The following CDK15 variants were observed in gnomAD, a reference collection of about 807,000 sequenced individuals.
CDK15 encodes the protein cyclin dependent kinase 15.
A neutral mutation model predicts 60.3 loss-of-function variants in CDK15; 62 were observed. The ratio of observed to expected loss-of-function variants is 1.03; its 90% CI spans 0.84 to 1.27. The LOEUF (loss-of-function observed/expected upper bound fraction) is 1.27. Ranked by LOEUF, CDK15 falls within the 50% of genes most tolerant of loss-of-function variation. The pLI, the probability that CDK15 is intolerant of heterozygous loss-of-function variation, is 0.00. For missense variants in CDK15, 541 were observed against 527.8 expected, an observed-to-expected ratio of 1.03 and a Z score of -0.25; for synonymous variants, 194 against 195.7, an observed-to-expected ratio of 0.99 and a Z score of 0.07.
intron 8 of CDK15, among the ~76,000 whole-genome samples, chr2:201,839,328 T>C (rs1034408193): frequency 6.6e-6 from 1 of 152,216 alleles, no homozygotes. Flanking sequence ...CCTGTACTTA[T>C]TGGAAGTGTC....
chr2:201,862,156 A>G (rs1698430340), intron 10 of CDK15, among the ~76,000 whole-genome samples: 1 of 152,120 alleles, frequency 6.6e-6, no homozygotes, highest in Non-Finnish European at 1.5e-5. Context: ...TCTGCTCCCC[A>G]CACCTAGACT....
At chr2:201,878,798 G>A (rs189585803) in intron 11 of CDK15, among the ~76,000 whole-genome samples, 1 of 152,338 alleles carries the variant, frequency 6.6e-6, no homozygotes, top group Non-Finnish European at 1.5e-5. Flanking sequence ...CCTTCTCACT[G>A]TGTCTGCACA....
intron 8 of CDK15, among the ~76,000 whole-genome samples, chr2:201,843,402 G>A (rs907258931): frequency 2.6e-5 from 4 of 152,008 alleles, no homozygotes; most frequent in African/African-American, 9.7e-5. Flanking sequence ...GGCCAGGCTG[G>A]TCTCGAACTG....
chr2:201,808,077 G>A, intron 3 of CDK15, 125 bp downstream of exon 3: 1 of 680,118 alleles, frequency 1.5e-6, no homozygotes, highest in South Asian at 2.6e-5. Flanking sequence ...AGACACCATG[G>A]CCGACAGGGA....
chr2:201,890,794 T>C lies in CDK15; in HGVS notation c.1208T>C (p.Leu403Ser), dbSNP rs1559154287. The C allele has an allele frequency of 1.2e-6, 2 of 1,611,570 alleles. No homozygotes were observed. The highest frequency in any genetic ancestry group is 1.7e-4 in the Middle Eastern group (1 of 5,888). ...CTTTTCATTCCTACAGAGGAGTCTTTGTTTACAGTTTCAGGAGTGAGGCTA... is the reference window on the plus strand; with the variant it reads ...CTTTTCATTCCTACAGAGGAGTCTTCGTTTACAGTTTCAGGAGTGAGGCTA... ...QLYQLPDEES[L>S]FTVSGVRLKP... Residue 403 changes from leucine (L) to serine (S), a missense_variant, in exon 13 of 14, where the codon TTG (leucine) becomes TCG (serine). Coordinates refer to ENST00000652192, the MANE Select transcript of CDK15 (RefSeq NM_001366386.2).
At chr2:201,837,319 GAGAGAA>G (rs1697142600) in intron 8 of CDK15, among the ~76,000 whole-genome samples, 1 of 140,884 alleles carries the variant, frequency 7.1e-6, no homozygotes, top group Admixed American at 7.3e-5. Flanking sequence ...GAGAGAGAGA[GAGAGAA>G]AGAAAGGAAA....
At chr2:201,853,971 C>T (rs1698024440) in intron 9 of CDK15, among the ~76,000 whole-genome samples, 1 of 152,010 alleles carries the variant, frequency 6.6e-6, no homozygotes, top group Admixed American at 6.6e-5. Flanking sequence ...ACCATCCTGG[C>T]CAACACGGTG....
intron 9 of CDK15, among the ~76,000 whole-genome samples, chr2:201,853,766 G>C (rs774836122): frequency 6.6e-6 from 1 of 151,834 alleles, no homozygotes; most frequent in Non-Finnish European, 1.5e-5. Context: ...TGCCTACCGG[G>C]GAACTCATGG....
In CDK15 at chr2:201,882,902, CCTG is replaced by C. The variant is rs1373331443; in HGVS notation, c.1198+2738_1198+2740del. ...GCGGTCCTTGGCCTGGCAGTGCCAG[CCTG>C]CTTTTTCATTGCCCCTGGCAATGAG... On this transcript the variant is annotated intron_variant, in intron 12 of 13. Transcript: ENST00000652192. This position sits in a 1 kb window ranked among gnomAD's most constrained non-coding sequence, Gnocchi z 4.0. 6.6e-6 allele frequency among the ~76,000 whole-genome samples: 1 copy of C among 152,162 alleles called. No individual in the cohort carries two copies. Among genetic ancestry groups the C allele is most frequent in the Non-Finnish European group, 1.5e-5 (1 of 68,028 alleles).
At chr2:201,835,597 G>A in intron 7 of CDK15, 46 bp from the exon 8 acceptor site, 1 of 1,485,346 alleles carries the variant, frequency 6.7e-7, no homozygotes. Context: ...CATGGTGCAA[G>A]CCAAGGTCCA....
intron 8 of CDK15, among the ~76,000 whole-genome samples, chr2:201,842,227 A>G (rs1158558776): frequency 6.6e-6 from 1 of 152,180 alleles, no homozygotes; most frequent in Non-Finnish European, 1.5e-5. Context: ...ACCTCATATA[A>G]AAGTGGAATC....
At chr2:201,816,454 G>GTT (rs1695994544) in intron 4 of CDK15, among the ~76,000 whole-genome samples, 13 of 84,268 alleles carry the variant, frequency 1.5e-4, no homozygotes, top group Non-Finnish European at 1.7e-4. Flanking sequence ...CTAAGGAAAT[G>GTT]GTTTTTTTTT....
intron 11 of CDK15, among the ~76,000 whole-genome samples, chr2:201,879,159 A>G (rs919035978): frequency 6.6e-6 from 1 of 152,182 alleles, no homozygotes; most frequent in Non-Finnish European, 1.5e-5. Context: ...ATTTGTCCTT[A>G]CTGTGATTTA....
rs1698394992 is a variant in CDK15 at position 201,861,559 on chromosome 2, T to TTTTC, written c.1009+6625_1009+6626insCTTT. The TTTTC allele has an allele frequency of 5.3e-6, 5 of 935,828 alleles. No homozygotes were observed. In the African/African-American group the frequency reaches 1.1e-4, roughly 20 times the overall value. The allele number at this position is 935,828 out of a possible 1,614,324, so 58.0% of individuals were successfully genotyped here. ...GTTTTTTTTGTTGGTTTGTTTTTTT[T>TTTTC]TTTTTCTTTTTTTTTTTTTTTAGAT... On this transcript the variant is annotated intron_variant, in intron 10 of 13. Transcript: ENST00000652192.
intron 2 of CDK15, 56 bp from the exon 3 acceptor site, chr2:201,807,802 A>C: frequency 6.4e-7 from 1 of 1,564,646 alleles, no homozygotes; most frequent in East Asian, 2.2e-5. Flanking sequence ...ACTAAAAAAA[A>C]GTGTTCTTTC....
chr2:201,829,116 A>C (rs1420962569), intron 6 of CDK15, among the ~76,000 whole-genome samples: 1 of 152,204 alleles, frequency 6.6e-6, no homozygotes, highest in Admixed American at 6.5e-5. Flanking sequence ...AGAGGTGATA[A>C]ATTCAGATTT....
In CDK15 at chr2:201,835,720, G is replaced by C. The variant is rs748178452; in HGVS notation, c.808G>C (p.Ala270Pro). Residue 270 changes from alanine (A) to proline (P), a missense_variant, in exon 8 of 14, where the codon GCT becomes CCT. Ala to Pro is a conservative substitution (Grantham distance 27, BLOSUM62 -1). Transcript: ENST00000652192. ...VVTLWYRPPD[A>P]LLGATEYSSE... ...GACCCTCTGGTACCGGCCCCCTGATGCTTTGCTGGGAGCCACTGAATATTC... is the reference window on the plus strand; with the variant it reads ...GACCCTCTGGTACCGGCCCCCTGATCCTTTGCTGGGAGCCACTGAATATTC... 6.8e-6 allele frequency: 11 copies of C among 1,610,620 alleles called. No individual in the cohort carries two copies. Among genetic ancestry groups the C allele is most frequent in the East Asian group, 6.7e-5 (3 of 44,844 alleles).
At chr2:201,827,488 T>C (rs777429341) in intron 6 of CDK15, among the ~76,000 whole-genome samples, 1 of 152,128 alleles carries the variant, frequency 6.6e-6, no homozygotes, top group Non-Finnish European at 1.5e-5. Context: ...GACAGTACAG[T>C]CATTAGTCAT....
intron 10 of CDK15, among the ~76,000 whole-genome samples, chr2:201,866,063 A>G (rs1698622959): frequency 6.8e-6 from 1 of 146,492 alleles, no homozygotes. Flanking sequence ...GTGAGGGTGA[A>G]GGGCACGTAG....
Sources: gnomAD v4.1 joint callset for allele counts (sites outside exome capture counted in the v4.1 genomes callset) on GRCh38, gnomAD v4.1.1 for gene constraint, Gnocchi (gnomAD v3.1) non-coding constraint, MANE v1.5 for transcripts, NCBI Gene and HGNC (gene_info 2026-07-23, HGNC 2026-07-21) for gene names.